Variants in GRB14 observed in about 807,000 individuals in gnomAD.
The protein encoded by GRB14 is growth factor receptor-bound protein 14.
GRB14 carries 38 observed loss-of-function variants against 69.1 expected under a neutral mutation model. The ratio of observed to expected loss-of-function variants is 0.55; its 90% CI spans 0.42 to 0.72. The LOEUF is 0.72. Ranked by LOEUF, GRB14 falls within the 30% of genes least tolerant of loss-of-function variation. The probability of loss-of-function intolerance (pLI) is 0.00; values close to 1 mark genes in which losing one functional copy is unlikely to be tolerated. For missense variants in GRB14, 666 were observed against 666.1 expected, an observed-to-expected ratio of 1.00 and a Z score of 0.00; for synonymous variants, 247 against 241.3, an observed-to-expected ratio of 1.02 and a Z score of -0.22.
intron 8 of GRB14, among the ~76,000 whole-genome samples, chr2:164,504,197 G>A (rs1009351001): frequency 3.3e-5 from 5 of 151,704 alleles, no homozygotes; most frequent in South Asian, 2.1e-4. Flanking sequence ...AGAAAAGGAC[G>A]TAAGAATAAA....
intron 2 of GRB14, among the ~76,000 whole-genome samples, chr2:164,565,425 T>G (rs1688946184): frequency 6.6e-6 from 1 of 152,166 alleles, no homozygotes. Flanking sequence ...TGAATGGCAA[T>G]TATACCCACC....
At chr2:164,561,127 G>A (rs529035784) in intron 2 of GRB14, among the ~76,000 whole-genome samples, 1 of 152,174 alleles carries the variant, frequency 6.6e-6, no homozygotes, top group African/African-American at 2.4e-5. Context: ...TGCCAAATGT[G>A]GAACATGCAG....
intron 2 of GRB14, among the ~76,000 whole-genome samples, chr2:164,556,687 T>C (rs566075815): frequency 6.6e-6 from 1 of 152,288 alleles, no homozygotes; most frequent in Non-Finnish European, 1.5e-5. Context: ...CCATTATTTC[T>C]GGGAGGAAGC....
chr2:164,529,660 C>T (rs1012600538), intron 3 of GRB14, among the ~76,000 whole-genome samples: 6 of 152,158 alleles, frequency 3.9e-5, no homozygotes, highest in Non-Finnish European at 8.8e-5. Flanking sequence ...AACCCCCACA[C>T]CAGGTCCCAC....
At chr2:164,593,658 C>CAGAACAA (rs1209326878) in intron 2 of GRB14, among the ~76,000 whole-genome samples, 1 of 152,028 alleles carries the variant, frequency 6.6e-6, no homozygotes, top group Non-Finnish European at 1.5e-5. Flanking sequence ...AAGGAATTCC[C>CAGAACAA]AGAACAAAGG....
At chr2:164,607,249 T>C (rs1183762009) in intron 2 of GRB14, among the ~76,000 whole-genome samples, 2 of 152,212 alleles carry the variant, frequency 1.3e-5, no homozygotes, top group African/African-American at 4.8e-5. Flanking sequence ...TTAATAACAA[T>C]GACTTCCCAG....
At chr2:164,526,846 C>G (rs1687785487) in intron 4 of GRB14, among the ~76,000 whole-genome samples, 168 bp downstream of exon 4, 1 of 151,832 alleles carries the variant, frequency 6.6e-6, no homozygotes, top group Admixed American at 6.6e-5. Flanking sequence ...GTATAATGTT[C>G]ACTAATCATT....
chr2:164,613,917 A>C (rs1383449299), intron 2 of GRB14, among the ~76,000 whole-genome samples: 1 of 152,232 alleles, frequency 6.6e-6, no homozygotes, highest in Non-Finnish European at 1.5e-5. Flanking sequence ...AAAATGGTAG[A>C]GATTAAGAGT....
At chr2:164,560,589 T>A (rs1688797891) in intron 2 of GRB14, among the ~76,000 whole-genome samples, 1 of 151,964 alleles carries the variant, frequency 6.6e-6, no homozygotes, top group South Asian at 2.1e-4. Context: ...TAAGAAGGAT[T>A]GGGGGGGCAT....
At chr2:164,618,167 A>C (rs1399427900) in intron 2 of GRB14, among the ~76,000 whole-genome samples, 1 of 151,898 alleles carries the variant, frequency 6.6e-6, no homozygotes, top group Non-Finnish European at 1.5e-5. Context: ...GGGTTTTACC[A>C]TGTTGGACAG....
chr2:164,621,045 C>A lies in GRB14; in HGVS notation c.191+74G>T, dbSNP rs926848892. The stretch of plus-strand genomic sequence containing the variant: ...CCAGCTCTGGGCACATGGCTCACCC[C>A]CTAGGACCGCCTCCTCACCCCCTCG... On this transcript the variant is annotated intron_variant, in intron 1 of 13. Coordinates refer to ENST00000263915, the MANE Select transcript of GRB14 (RefSeq NM_004490.3). The surrounding 1 kb of genome is among the most constrained non-coding windows in gnomAD (Gnocchi z 6.0). 6.7e-6 allele frequency: 8 copies of A among 1,197,802 alleles called. No homozygotes were observed. The highest frequency in any genetic ancestry group is 8.4e-6 in the Non-Finnish European group (8 of 946,912). 74.2% of individuals were successfully genotyped at this position (1,197,802 alleles called of 1,614,324 possible). A position where few individuals can be genotyped will look rare whatever the true frequency, so the allele number is the denominator to read the frequency against.
chr2:164,581,242 G>C (rs190357758), intron 2 of GRB14, among the ~76,000 whole-genome samples: 30 of 152,236 alleles, frequency 2.0e-4, no homozygotes, highest in African/African-American at 7.2e-4. Context: ...TTCACCCCAT[G>C]TCAGTGTCCT....
At chr2:164,504,223 C>A (rs1334880570) in intron 8 of GRB14, among the ~76,000 whole-genome samples, 2 of 151,854 alleles carry the variant, frequency 1.3e-5, no homozygotes, top group Non-Finnish European at 1.5e-5. Flanking sequence ...TGGCCAAATT[C>A]TTGGTGGGAG....
At position 164,578,188 on chromosome 2, in the gene GRB14, G is replaced by A. The variant is rs551501219; in HGVS notation, c.325-30372C>T. On this transcript the variant is annotated intron_variant, in intron 2 of 13. Coordinates refer to ENST00000263915, the MANE Select transcript of GRB14 (RefSeq NM_004490.3). ...GTGGCAGTTGTAGTGAGCCAAGATC[G>A]TGCCACTGCACTCCAGCCTGGGCAA... is the stretch of plus-strand genomic sequence containing the variant. Among the ~76,000 whole-genome samples the A allele has an allele frequency of 2.0e-5, 3 of 151,968 alleles. No individual in the cohort carries two copies. The East Asian group carries it at 5.8e-4, about 30-fold the overall frequency.
chr2:164,560,248 A>T (rs1688787408), intron 2 of GRB14, among the ~76,000 whole-genome samples: 1 of 152,208 alleles, frequency 6.6e-6, no homozygotes, highest in Non-Finnish European at 1.5e-5. Flanking sequence ...ACTAGAACAT[A>T]ATTAGATGTA....
intron 2 of GRB14, among the ~76,000 whole-genome samples, chr2:164,589,565 C>A (rs564578370): frequency 6.6e-6 from 1 of 152,152 alleles, no homozygotes; most frequent in Admixed American, 6.5e-5. Context: ...AAGGAGGTGT[C>A]AGGCTCTTTT....
At chr2:164,512,625 T>A (rs566585775) in intron 6 of GRB14, among the ~76,000 whole-genome samples, 2 of 152,208 alleles carry the variant, frequency 1.3e-5, no homozygotes, top group South Asian at 4.1e-4. Flanking sequence ...CAAACATAGA[T>A]GGTAGCCAGG....
intron 8 of GRB14, among the ~76,000 whole-genome samples, chr2:164,503,276 A>T (rs574729369): frequency 5.9e-5 from 9 of 151,764 alleles, no homozygotes; most frequent in Admixed American, 2.0e-4. Flanking sequence ...AATGAACTTA[A>T]AAGTTAGGTT....
rs1175862362 is a variant in GRB14, at chr2:164,598,674, C to T, written c.324+21013G>A. The stretch of plus-strand genomic sequence containing the variant: ...ACTAGTTTTAAAGTAAAAAATTCAA[C>T]GATCTTACAGGATGTTCTAAAGGCA... On this transcript the variant is annotated intron_variant, in intron 2 of 13. Coordinates refer to ENST00000263915, the MANE Select transcript of GRB14 (RefSeq NM_004490.3). 2.0e-5 allele frequency among the ~76,000 whole-genome samples: 3 copies of T among 152,228 alleles called. No homozygotes were observed. The East Asian group carries it at 5.8e-4, about 29-fold the overall frequency.
Sources: gnomAD v4.1 joint callset for allele counts (sites outside exome capture counted in the v4.1 genomes callset) on GRCh38, gnomAD v4.1.1 for gene constraint, Gnocchi (gnomAD v3.1) non-coding constraint, MANE v1.5 for transcripts, NCBI Gene and HGNC (gene_info 2026-07-23, HGNC 2026-07-21) for gene names.